The following SEM1 variants were observed in gnomAD, a reference collection of about 807,000 sequenced individuals.
SEM1 encodes the protein SEM1 26S proteasome subunit.
Under a neutral mutation model 12.7 loss-of-function variants are expected in SEM1, and 3 were observed. That is an observed-to-expected ratio of 0.24 (90% confidence interval 0.11 to 0.61). SEM1 has a LOEUF of 0.61. Ranked by LOEUF, SEM1 falls within the 20% of genes least tolerant of loss-of-function variation. The pLI, the probability that SEM1 is intolerant of heterozygous loss-of-function variation, is 0.88. For synonymous variants in SEM1, 30 were observed against 27.8 expected, an observed-to-expected ratio of 1.08 and a Z score of -0.25; for missense variants, 59 against 81.3, an observed-to-expected ratio of 0.73 and a Z score of 1.06.
chr7:96,524,007 G>T (rs1804366834), intron 2 of SEM1, among the ~76,000 whole-genome samples: 1 of 151,922 alleles, frequency 6.6e-6, no homozygotes, highest in Non-Finnish European at 1.5e-5. Context: ...TCCCCTTTTG[G>T]GTTTGTTGTC....
At chr7:96,670,122 T>C (rs1456640315), downstream of SEM1, among the ~76,000 whole-genome samples, 1 of 152,226 alleles carries the variant, frequency 6.6e-6, no homozygotes, top group Non-Finnish European at 1.5e-5. Context: ...TGGTTGATTC[T>C]AAATTTCCAA....
At chr7:96,706,825 C>G (rs1242187295) in intron 1 of SEM1, among the ~76,000 whole-genome samples, 1 of 152,104 alleles carries the variant, frequency 6.6e-6, no homozygotes, top group African/African-American at 2.4e-5. Flanking sequence ...AGCACTGACA[C>G]TCAACAAAGC....
intron 2 of SEM1, among the ~76,000 whole-genome samples, chr7:96,546,695 G>C (rs1805113472): frequency 1.3e-5 from 2 of 152,040 alleles, no homozygotes; most frequent in Non-Finnish European, 2.9e-5. Context: ...TATTGAACAG[G>C]TTTTATTCTG....
Position 96,709,827 on chromosome 7 carries a change from A to C in SEM1, c.-64T>G. On this transcript the variant is annotated 5_prime_UTR_variant, in exon 1 of 3. Transcript: ENST00000248566. ...AAAGTTGGAACCCTCACTCTTCCTC[A>C]AGGAAACGCCACCGTCACTACCGCC... The C allele has an allele frequency of 3.3e-6, 5 of 1,499,732 alleles. No homozygotes were observed. The East Asian group carries it at 1.1e-4, about 34-fold the overall frequency. The allele number at this position is 1,499,732 out of a possible 1,614,324, so 92.9% of individuals were successfully genotyped here.
At chr7:96,490,398 A>ATTACACACT (rs1345759971) in intron 1 of SEM1, among the ~76,000 whole-genome samples, 3 of 152,204 alleles carry the variant, frequency 2.0e-5, no homozygotes, top group Non-Finnish European at 2.9e-5. Flanking sequence ...AAGAGCCCAG[A>ATTACACACT]TTACACACTT....
At chr7:96,500,403 G>A (rs141230483), upstream of SEM1, among the ~76,000 whole-genome samples, 1 of 152,068 alleles carries the variant, frequency 6.6e-6, no homozygotes, top group Non-Finnish European at 1.5e-5. Context: ...GAGTTCAAAC[G>A]TTAAGGAAAT....
intron 3 of SEM1, among the ~76,000 whole-genome samples, chr7:96,504,176 G>T (rs1444170108): frequency 6.6e-6 from 1 of 152,008 alleles, no homozygotes; most frequent in Non-Finnish European, 1.5e-5. Context: ...AGCACCCCGT[G>T]GGGTCCAAAC....
intron 2 of SEM1, among the ~76,000 whole-genome samples, chr7:96,579,720 C>A (rs1471157409): frequency 1.3e-5 from 2 of 152,074 alleles, no homozygotes; most frequent in African/African-American, 4.8e-5. Context: ...TAAAGTGTTT[C>A]ATTTTGTATC....
intron 2 of SEM1, among the ~76,000 whole-genome samples, chr7:96,663,103 C>A (rs1789062188): frequency 6.7e-6 from 1 of 150,354 alleles, no homozygotes; most frequent in African/African-American, 2.5e-5. Context: ...GAAGTATGTC[C>A]TAGTGCAATA....
intron 2 of SEM1, among the ~76,000 whole-genome samples, chr7:96,558,595 C>T (rs1040618012): frequency 1.3e-5 from 2 of 151,530 alleles, no homozygotes; most frequent in African/African-American, 4.9e-5. Context: ...GAGCTGTCTA[C>T]GAAGACAGAA....
At chr7:96,509,288 G>A (rs941340751) in intron 2 of SEM1, among the ~76,000 whole-genome samples, 2 of 151,516 alleles carry the variant, frequency 1.3e-5, no homozygotes, top group African/African-American at 4.9e-5. Context: ...TTACAGGAGT[G>A]AGCCACCCCT....
chr7:96,669,157 T>A (rs1789245308), downstream of SEM1, among the ~76,000 whole-genome samples: 1 of 152,180 alleles, frequency 6.6e-6, no homozygotes. Flanking sequence ...GGTACTTTGT[T>A]ATGGCAGCCC....
intron 2 of SEM1, among the ~76,000 whole-genome samples, chr7:96,581,800 G>T (rs1439200233): frequency 6.6e-6 from 1 of 151,128 alleles, no homozygotes; most frequent in Non-Finnish European, 1.5e-5. Flanking sequence ...AAGAATGCTT[G>T]TGATTTTTGT....
At chr7:96,528,301 C>T (rs1022865293) in intron 2 of SEM1, among the ~76,000 whole-genome samples, 3 of 152,106 alleles carry the variant, frequency 2.0e-5, no homozygotes, top group African/African-American at 7.2e-5. Flanking sequence ...TCAAGCAATC[C>T]TCCTACATCA....
At chr7:96,543,479 T>C (rs1454371475) in intron 2 of SEM1, among the ~76,000 whole-genome samples, 1 of 151,928 alleles carries the variant, frequency 6.6e-6, no homozygotes, top group Non-Finnish European at 1.5e-5. Context: ...CTGTTTACTG[T>C]TTAGTCCAAT....
intron 2 of SEM1, chr7:96,486,118 T>G: frequency 1.0e-6 from 1 of 961,150 alleles, no homozygotes; most frequent in Non-Finnish European, 1.5e-6. Context: ...TGGCCTTTAG[T>G]TTTAGTATCT....
At chr7:96,586,321 A>T (rs959355678) in intron 2 of SEM1, among the ~76,000 whole-genome samples, 3 of 152,162 alleles carry the variant, frequency 2.0e-5, no homozygotes, top group Admixed American at 6.5e-5. Context: ...GAGCTCACAG[A>T]CACAAATCCC....
intron 2 of SEM1, among the ~76,000 whole-genome samples, chr7:96,515,233 C>T (rs1804051706): frequency 6.6e-6 from 1 of 152,134 alleles, no homozygotes; most frequent in African/African-American, 2.4e-5. Context: ...ACAGACACTT[C>T]TCAAAAGAAG....
chr7:96,502,609 T>C (rs1803603886), intron 3 of SEM1, among the ~76,000 whole-genome samples: 1 of 152,180 alleles, frequency 6.6e-6, no homozygotes. Context: ...ACAGTAAATG[T>C]TCAAAAACAC....
Sources: allele counts gnomAD v4.1 joint callset (sites outside exome capture counted in the v4.1 genomes callset), GRCh38; gene constraint gnomAD v4.1.1; transcripts MANE v1.5; gene names NCBI Gene and HGNC (gene_info 2026-07-23, HGNC 2026-07-21).